The following SZRD1 variants were observed in gnomAD, a reference collection of about 807,000 sequenced individuals.
The protein encoded by SZRD1 is SUZ RNA binding domain containing 1.
In SZRD1, 7 loss-of-function variants were observed where a neutral mutation model predicts 17.6. The ratio of observed to expected loss-of-function variants is 0.40; its 90% CI spans 0.23 to 0.75. SZRD1 has a LOEUF of 0.75. SZRD1 is among the 30% of genes least tolerant of loss of function. The probability of loss-of-function intolerance (pLI) is 0.38; values close to 1 mark genes in which losing one functional copy is unlikely to be tolerated. For missense variants in SZRD1, 178 were observed against 201.8 expected, an observed-to-expected ratio of 0.88 and a Z score of 0.71; for synonymous variants, 77 against 77.9, an observed-to-expected ratio of 0.99 and a Z score of 0.06.
intron 1 of SZRD1, among the ~76,000 whole-genome samples, chr1:16,375,315 AT>A (rs147394858): frequency 2.0e-5 from 3 of 150,240 alleles, no homozygotes; most frequent in Admixed American, 1.3e-4. Flanking sequence ...GAGACAGATA[AT>A]TTTTTTTTCT....
At chr1:16,376,032 C>T (rs2082998099) in intron 1 of SZRD1, among the ~76,000 whole-genome samples, 1 of 152,146 alleles carries the variant, frequency 6.6e-6, no homozygotes, top group African/African-American at 2.4e-5. Flanking sequence ...GGAAGAGCTT[C>T]TAAGATATAT....
At chr1:16,372,780 T>C (rs1040180736) in intron 1 of SZRD1, among the ~76,000 whole-genome samples, 2 of 152,162 alleles carry the variant, frequency 1.3e-5, no homozygotes, top group African/African-American at 2.4e-5. Flanking sequence ...TGCTGGATGG[T>C]GTATGAGTCC....
At chr1:16,368,333 T>C (rs993166141) in intron 1 of SZRD1, among the ~76,000 whole-genome samples, 1 of 152,126 alleles carries the variant, frequency 6.6e-6, no homozygotes, top group Non-Finnish European at 1.5e-5. Flanking sequence ...CGCTGGGTTT[T>C]TTTTCCTAAG....
chr1:16,391,477 G>A lies in SZRD1; in HGVS notation c.101+53G>A. 6.9e-7 allele frequency: 1 copy of A among 1,448,302 alleles called. No homozygotes were observed. The highest frequency in any genetic ancestry group is 9.5e-7 in the Non-Finnish European group (1 of 1,057,698). 89.7% of individuals were successfully genotyped at this position (1,448,302 alleles called of 1,614,324 possible). A position where few individuals can be genotyped will look rare whatever the true frequency, so the allele number is the denominator to read the frequency against. ...CATGCTCTCTGTGGTTTGAGAGCCG[G>A]GCAGTCAGTGGTGTTCTCCAGCTGG... On this transcript the variant is annotated intron_variant, in intron 2 of 3. Transcript: ENST00000401088. This position sits in a 1 kb window ranked among gnomAD's most constrained non-coding sequence, Gnocchi z 4.3.
intron 1 of SZRD1, among the ~76,000 whole-genome samples, chr1:16,377,719 T>G (rs1456194092): frequency 6.6e-6 from 1 of 152,174 alleles, no homozygotes; most frequent in Non-Finnish European, 1.5e-5. Flanking sequence ...CACATCAATC[T>G]CTTAATTTGT....
chr1:16,395,619 C>A lies in SZRD1; in HGVS notation c.*479C>A. 6.3e-6 allele frequency: 1 copy of A among 158,212 alleles called. No homozygotes were observed. The highest frequency in any genetic ancestry group is 6.0e-5 in the Admixed American group (1 of 16,788). The allele number at this position is 158,212 out of a possible 1,614,324, so 9.8% of individuals were successfully genotyped here. On this transcript the variant is annotated 3_prime_UTR_variant, in exon 4 of 4. Transcript: ENST00000401088. ...AAATATCCTTTCTTTTTTTTTTCTT[C>A]CTATTTTTGTTTGTTTATACAAATA...
intron 1 of SZRD1, among the ~76,000 whole-genome samples, chr1:16,377,823 C>G (rs2083030049): frequency 6.6e-6 from 1 of 152,110 alleles, no homozygotes. Context: ...GCCGAGAGTG[C>G]CATTGCTCTG....
chr1:16,372,414 A>C (rs1374952076), intron 1 of SZRD1, among the ~76,000 whole-genome samples: 2 of 152,192 alleles, frequency 1.3e-5, no homozygotes, highest in Non-Finnish European at 2.9e-5. Context: ...CAGAGGTTGC[A>C]GTGAGCAGAG....
At chr1:16,381,748 A>G (rs890917727) in intron 1 of SZRD1, among the ~76,000 whole-genome samples, 2 of 151,358 alleles carry the variant, frequency 1.3e-5, no homozygotes, top group African/African-American at 2.4e-5. Flanking sequence ...CCTGGGCAAC[A>G]TGGTGAAGCT....
At chr1:16,389,429 A>T (rs1329797723) in intron 1 of SZRD1, among the ~76,000 whole-genome samples, 1 of 149,618 alleles carries the variant, frequency 6.7e-6, no homozygotes, top group Non-Finnish European at 1.5e-5. Flanking sequence ...CAGCCTTCTG[A>T]GTAGCTGGGA....
chr1:16,367,968 G>T (rs1030103801), intron 1 of SZRD1: 1 of 152,250 alleles, frequency 6.6e-6, no homozygotes, highest in African/African-American at 2.4e-5. Flanking sequence ...GCCACTCAGC[G>T]ATCCGAGGCC....
Position 16,395,142 on chromosome 1 carries a change from T to A in SZRD1, c.*2T>A, listed in dbSNP as rs1293207182. ...CAAGGCTTCAAACAGCGCAGATAAA[T>A]GCAGGCAAGAAAAGATGCCGCCGTT... is the stretch of plus-strand genomic sequence containing the variant. On this transcript the variant is annotated 3_prime_UTR_variant, in exon 4 of 4. Coordinates refer to ENST00000401088, the MANE Select transcript of SZRD1 (RefSeq NM_001114600.3). The A allele has an allele frequency of 6.2e-7, 1 of 1,608,450 alleles. No individual in the cohort carries two copies. The highest frequency in any genetic ancestry group is 1.3e-5 in the African/African-American group (1 of 74,810).
At chr1:16,395,017 C>T (rs1212403341) in intron 3 of SZRD1, 21 bp from the exon 4 acceptor site, 3 of 1,439,368 alleles carry the variant, frequency 2.1e-6, no homozygotes, top group Non-Finnish European at 2.9e-6. Flanking sequence ...TCAGGCCTTC[C>T]TCTGCTTTTC....
intron 1 of SZRD1, among the ~76,000 whole-genome samples, chr1:16,369,899 CA>C (rs767599484): frequency 3.9e-4 from 53 of 136,268 alleles, no homozygotes; most frequent in African/African-American, 8.0e-4. Context: ...AAAAAAAAAA[CA>C]AAAAAAAAAA....
intron 2 of SZRD1, among the ~76,000 whole-genome samples, chr1:16,392,454 A>G (rs1570046656): frequency 6.7e-6 from 1 of 150,352 alleles, no homozygotes; most frequent in African/African-American, 2.4e-5. Flanking sequence ...TTGTCATTCC[A>G]CCTCTCCCTG....
Position 16,391,475 on chromosome 1 carries a change from C to A in SZRD1, c.101+51C>A. On this transcript the variant is annotated intron_variant, in intron 2 of 3. Transcript: ENST00000401088. The surrounding 1 kb of genome is among the most constrained non-coding windows in gnomAD (Gnocchi z 4.3). ...CTCATGCTCTCTGTGGTTTGAGAGC[C>A]GGGCAGTCAGTGGTGTTCTCCAGCT... is the stretch of plus-strand genomic sequence containing the variant. 2 of 1,466,462 alleles carry A rather than the reference C, an allele frequency of 1.4e-6. No homozygotes were observed. Among genetic ancestry groups the A allele is most frequent in the East Asian group, 2.5e-5 (1 of 40,374 alleles). The allele number at this position is 1,466,462 out of a possible 1,614,324, so 90.8% of individuals were successfully genotyped here. A position where few individuals can be genotyped will look rare whatever the true frequency, so the allele number is the denominator to read the frequency against.
chr1:16,387,055 GGCTGGTGTGA>G, intron 1 of SZRD1: 3 of 315,678 alleles, frequency 9.5e-6, no homozygotes, highest in South Asian at 8.0e-5. Context: ...TGCCAAACAG[GGCTGGTGTGA>G]GCAGAAAATG....
In SZRD1 at chr1:16,393,300, A is replaced by G. The variant is rs2085247591; in HGVS notation, c.174A>G (p.Pro58=). The G allele has an allele frequency of 1.1e-5, 17 of 1,614,114 alleles. No homozygotes were observed. The highest frequency in any genetic ancestry group is 1.4e-5 in the Non-Finnish European group (16 of 1,180,018). ...QDDSLPAGPP[P]QIRILKRPTS... The stretch of plus-strand genomic sequence containing the variant: ...ATAGCCTTCCCGCGGGGCCCCCTCC[A>G]CAGATCCGCATCCTCAAGAGGCCCA... Residue 58 remains proline (P), a synonymous_variant, in exon 3 of 4, where the codon CCA becomes CCG. Coordinates refer to ENST00000401088, the MANE Select transcript of SZRD1 (RefSeq NM_001114600.3). The surrounding 1 kb of genome is among the most constrained non-coding windows in gnomAD (Gnocchi z 5.6).
At chr1:16,370,105 T>C (rs2082888029) in intron 1 of SZRD1, among the ~76,000 whole-genome samples, 1 of 152,166 alleles carries the variant, frequency 6.6e-6, no homozygotes, top group East Asian at 1.9e-4. Flanking sequence ...TGGGGGAAGC[T>C]GGGATTTGAT....
Sources: gnomAD v4.1 joint callset for allele counts (sites outside exome capture counted in the v4.1 genomes callset) on GRCh38, gnomAD v4.1.1 for gene constraint, Gnocchi (gnomAD v3.1) non-coding constraint, MANE v1.5 for transcripts, NCBI Gene and HGNC (gene_info 2026-07-23, HGNC 2026-07-21) for gene names.